CLCA1: variants seen among roughly 807,000 people sequenced by gnomAD.
CLCA1 encodes the protein chloride channel accessory 1, also known as calcium-activated chloride channel regulator 1.
In CLCA1, 59 loss-of-function variants were observed where a neutral mutation model predicts 85.6. That is an observed-to-expected ratio of 0.69 (90% CI 0.56 to 0.86). The LOEUF (loss-of-function observed/expected upper bound fraction) is 0.86. Ranked by LOEUF, CLCA1 falls within the 40% of genes least tolerant of loss-of-function variation. The probability of loss-of-function intolerance (pLI) is 0.00; values close to 1 mark genes in which losing one functional copy is unlikely to be tolerated. For missense variants in CLCA1, 1,022 were observed against 1,101.4 expected (o/e 0.93, Z 1.02); for synonymous variants, 396 against 398.3 (o/e 0.99, Z 0.07).
chr1:86,485,998 C>T (rs1176064702), intron 6 of CLCA1, among the ~76,000 whole-genome samples: 3 of 143,328 alleles, frequency 2.1e-5, no homozygotes, highest in Middle Eastern at 3.5e-3. Flanking sequence ...GGGAGGCAGG[C>T]ATGTCTTACA....
chr1:86,481,027 G>A (rs1647802550), intron 4 of CLCA1, among the ~76,000 whole-genome samples: 1 of 152,072 alleles, frequency 6.6e-6, no homozygotes, highest in African/African-American at 2.4e-5. Flanking sequence ...ATTCATTGAT[G>A]TTTTATTTTA....
rs747458306 is a variant in CLCA1, at chr1:86,495,568, G to A, written c.2006G>A (p.Gly669Asp). The A allele has an allele frequency of 3.1e-6, 5 of 1,614,000 alleles. No individual in the cohort carries two copies. In the South Asian group the frequency reaches 5.5e-5, roughly 18 times the overall value. The change falls in exon 12 of 14, where the codon GGT (glycine) becomes GAT (aspartate). Residue 669 changes from glycine to aspartate, a missense_variant. Transcript: ENST00000394711. ...SRYFTTYDTN[G>D]RYSVKVRALG... ...TATTTCACAACTTATGACACGAATG[G>A]TAGATACAGTGTAAAAGTGCGGGCT...
intron 3 of CLCA1, among the ~76,000 whole-genome samples, chr1:86,475,184 C>A (rs551675184): frequency 1.3e-5 from 2 of 152,192 alleles, no homozygotes; most frequent in African/African-American, 2.4e-5. Flanking sequence ...ATATATAAAA[C>A]CATTCCTTAA....
At chr1:86,487,481 T>G (rs991228122) in intron 7 of CLCA1, among the ~76,000 whole-genome samples, 1 of 151,878 alleles carries the variant, frequency 6.6e-6, no homozygotes, top group South Asian at 2.1e-4. Flanking sequence ...GGAGTCTGGG[T>G]GTGGGGTGGG....
chr1:86,499,505 T>A (rs1480815763), intron 13 of CLCA1, 149 bp from the exon 14 acceptor site: 1 of 578,554 alleles, frequency 1.7e-6, no homozygotes, highest in Non-Finnish European at 3.0e-6. Context: ...AACAGGACCA[T>A]CAGTTCATTT....
Position 86,500,230 on chromosome 1 carries a change from C to A in CLCA1, c.*185C>A. The stretch of plus-strand genomic sequence containing the variant: ...TGTATTTTAGACTTCCTGTAGGGGG[C>A]GATAAAATAAAATGCTAAACAACTG... On this transcript the variant is annotated 3_prime_UTR_variant, in exon 14 of 14. Coordinates refer to ENST00000394711, the MANE Select transcript of CLCA1 (RefSeq NM_001285.4). 2.0e-6 allele frequency: 1 copy of A among 491,538 alleles called. No homozygotes were observed. Among genetic ancestry groups the A allele is most frequent in the Non-Finnish European group, 3.6e-6 (1 of 277,866 alleles). The allele number at this position is 491,538 out of a possible 1,614,324, so 30.4% of individuals were successfully genotyped here.
At chr1:86,482,403 C>T (rs750640495) in intron 5 of CLCA1, 21 bp downstream of exon 5, 3 of 1,601,972 alleles carry the variant, frequency 1.9e-6, no homozygotes, top group Admixed American at 1.7e-5. Flanking sequence ...TGTTCTCACC[C>T]CCTCCCCCAG....
chr1:86,482,656 G>A (rs574180331), intron 5 of CLCA1, among the ~76,000 whole-genome samples: 2 of 152,284 alleles, frequency 1.3e-5, no homozygotes, highest in East Asian at 3.9e-4. Flanking sequence ...AGGCATACAA[G>A]CACACACATT....
At chr1:86,495,729 G>A (rs979742289) in intron 12 of CLCA1, 54 bp downstream of exon 12, 81 of 1,509,820 alleles carry the variant, frequency 5.4e-5, no homozygotes, top group Admixed American at 2.0e-4. Context: ...GGTTTCAAGA[G>A]GAAACTATTA....
chr1:86,484,585 G>A (rs940897144), intron 5 of CLCA1, among the ~76,000 whole-genome samples: 1 of 152,114 alleles, frequency 6.6e-6, no homozygotes, highest in African/African-American at 2.4e-5. Context: ...GCTGTGAGGT[G>A]GAACAAACAG....
chr1:86,495,478 T>C (rs916530991), intron 11 of CLCA1, 27 bp from the exon 12 acceptor site: 16 of 1,578,224 alleles, frequency 1.0e-5, no homozygotes, highest in Non-Finnish European at 1.2e-5. Flanking sequence ...CGTTACCTAT[T>C]TATTAATTCC....
At chr1:86,492,151 A>C (rs953754302) in intron 9 of CLCA1, among the ~76,000 whole-genome samples, 7 of 152,226 alleles carry the variant, frequency 4.6e-5, no homozygotes, top group African/African-American at 1.4e-4. Flanking sequence ...TTTTATGATG[A>C]AAGTTCAGAT....
chr1:86,495,855 G>GT (rs1558147107), intron 12 of CLCA1, among the ~76,000 whole-genome samples, 180 bp downstream of exon 12: 2 of 152,180 alleles, frequency 1.3e-5, no homozygotes, highest in African/African-American at 2.4e-5. Context: ...ATTGTGGCAT[G>GT]TTTAGCAGCA....
intron 10 of CLCA1, 86 bp from the exon 11 acceptor site, chr1:86,494,101 A>G (rs943456530): frequency 1.2e-5 from 18 of 1,460,984 alleles, no homozygotes; most frequent in Admixed American, 7.2e-5. Flanking sequence ...TGCTTATATC[A>G]GAGGGTTTTC....
chr1:86,473,950 T>A, intron 3 of CLCA1, 74 bp downstream of exon 3: 1 of 1,109,222 alleles, frequency 9.0e-7, no homozygotes, highest in Admixed American at 2.5e-5. Context: ...ACTAGCATTA[T>A]CTTTGTGAGT....
intron 8 of CLCA1, among the ~76,000 whole-genome samples, chr1:86,490,413 GC>G (rs1026832923): frequency 1.3e-5 from 2 of 152,168 alleles, no homozygotes; most frequent in Non-Finnish European, 2.9e-5. Flanking sequence ...ATTCTAAATA[GC>G]CCAGGACTGC....
intron 12 of CLCA1, among the ~76,000 whole-genome samples, 200 bp from the exon 13 acceptor site, chr1:86,498,372 T>C (rs1347759396): frequency 6.6e-6 from 1 of 152,008 alleles, no homozygotes; most frequent in Non-Finnish European, 1.5e-5. Flanking sequence ...AAAAAGAAAC[T>C]GTGATTCTCT....
At chr1:86,490,896 C>G (rs1407115126) in intron 8 of CLCA1, among the ~76,000 whole-genome samples, 1 of 80,846 alleles carries the variant, frequency 1.2e-5, no homozygotes, top group South Asian at 5.4e-4. Context: ...CAAAACCCAT[C>G]TCTAAAAAAA....
chr1:86,476,205 AGCTGT>A (rs1647631921), intron 3 of CLCA1, among the ~76,000 whole-genome samples: 1 of 152,214 alleles, frequency 6.6e-6, no homozygotes, highest in African/African-American at 2.4e-5. Context: ...AGGATAGGGC[AGCTGT>A]TTGTGTCTGA....
Sources: allele counts gnomAD v4.1 joint callset (sites outside exome capture counted in the v4.1 genomes callset), GRCh38; gene constraint gnomAD v4.1.1; transcripts MANE v1.5; gene names NCBI Gene and HGNC (gene_info 2026-07-23, HGNC 2026-07-21).